The following WWOX variants were observed in gnomAD, a reference collection of about 807,000 sequenced individuals.
WWOX encodes the protein WW domain containing oxidoreductase.
Under a neutral mutation model 46.2 loss-of-function variants are expected in WWOX, and 69 were observed. The observed-to-expected ratio is 1.49, with a 90% CI of 1.23 to 1.82. The LOEUF is 1.82. Ranked by LOEUF, WWOX falls within the 40% of genes most tolerant of loss-of-function variation. The pLI, the probability that WWOX is intolerant of heterozygous loss-of-function variation, is 0.00. For missense variants in WWOX, 919 were observed against 542.6 expected (o/e 1.69, Z -6.89); for synonymous variants, 359 against 202.6 (o/e 1.77, Z -6.56).
At chr16:78,358,292 A>T (rs557370852) in intron 5 of WWOX, among the ~76,000 whole-genome samples, 3 of 152,318 alleles carry the variant, frequency 2.0e-5, no homozygotes, top group Admixed American at 6.5e-5. Flanking sequence ...AAACGTATCT[A>T]TTTGATTAAA....
At chr16:79,168,806 CCAGTTGAGACCAGAATT>C (rs1377043752) in intron 8 of WWOX, among the ~76,000 whole-genome samples, 1 of 152,160 alleles carries the variant, frequency 6.6e-6, no homozygotes, top group East Asian at 1.9e-4. Flanking sequence ...CAGCTGAGAT[CCAGTTGAGACCAGAATT>C]CACTCTCTCC....
chr16:78,513,436 A>G (rs572651101), intron 8 of WWOX, among the ~76,000 whole-genome samples: 3 of 152,278 alleles, frequency 2.0e-5, no homozygotes, highest in African/African-American at 4.8e-5. Flanking sequence ...ATCACTGGAA[A>G]ATGACATTCC....
intron 8 of WWOX, among the ~76,000 whole-genome samples, chr16:79,066,379 G>A (rs1463297927): frequency 6.6e-6 from 1 of 152,144 alleles, no homozygotes; most frequent in East Asian, 1.9e-4. Flanking sequence ...ACTCCATCAG[G>A]GCTGGGAAGG....
intron 8 of WWOX, among the ~76,000 whole-genome samples, chr16:78,823,462 T>C (rs1255908415): frequency 1.3e-5 from 2 of 152,224 alleles, no homozygotes; most frequent in Non-Finnish European, 2.9e-5. Context: ...ATCACCTGAA[T>C]GTTCACCATG....
chr16:78,959,054 T>G (rs72808743), intron 8 of WWOX, among the ~76,000 whole-genome samples: 9,927 of 152,260 alleles, frequency 0.065, 439 homozygotes, highest in Middle Eastern at 0.11. Context: ...ATGTAATGTT[T>G]TTAAAAATGC....
At chr16:78,375,390 A>T (rs963772787) in intron 5 of WWOX, among the ~76,000 whole-genome samples, 1 of 152,194 alleles carries the variant, frequency 6.6e-6, no homozygotes, top group Non-Finnish European at 1.5e-5. Context: ...GCCTACTTGC[A>T]TTTCTATTTA....
intron 8 of WWOX, among the ~76,000 whole-genome samples, chr16:78,690,867 C>T (rs151149558): frequency 3.3e-4 from 51 of 152,322 alleles, no homozygotes; most frequent in African/African-American, 1.2e-3. Flanking sequence ...GATGTTGTCT[C>T]TTAGCACCGT....
intron 8 of WWOX, among the ~76,000 whole-genome samples, chr16:79,125,899 C>G (rs189553595): frequency 1.3e-5 from 2 of 152,196 alleles, no homozygotes; most frequent in Non-Finnish European, 2.9e-5. Flanking sequence ...GGCGTGGTTT[C>G]TTTACTATCT....
At chr16:78,390,836 C>A (rs1300257625) in intron 6 of WWOX, among the ~76,000 whole-genome samples, 1 of 152,218 alleles carries the variant, frequency 6.6e-6, no homozygotes, top group Non-Finnish European at 1.5e-5. Context: ...CAGAACCAAT[C>A]TCTTTTCACG....
At chr16:79,186,268 A>T (rs577810917) in intron 8 of WWOX, among the ~76,000 whole-genome samples, 12 of 152,276 alleles carry the variant, frequency 7.9e-5, no homozygotes, top group African/African-American at 2.6e-4. Flanking sequence ...GAGGGCTTCA[A>T]ACAACAGGAA....
chr16:78,306,480 C>A (rs2080136764), intron 5 of WWOX, among the ~76,000 whole-genome samples: 1 of 152,150 alleles, frequency 6.6e-6, no homozygotes, highest in Non-Finnish European at 1.5e-5. Flanking sequence ...GCACCTTTCC[C>A]AAAGGCAGGC....
intron 8 of WWOX, among the ~76,000 whole-genome samples, chr16:78,510,910 G>A (rs1475017016): frequency 6.6e-6 from 1 of 152,216 alleles, no homozygotes; most frequent in Non-Finnish European, 1.5e-5. Flanking sequence ...GAGTCGCAAA[G>A]CCACAAAGAT....
At chr16:78,108,193 T>C (rs2032272887) in intron 1 of WWOX, among the ~76,000 whole-genome samples, 1 of 151,180 alleles carries the variant, frequency 6.6e-6, no homozygotes, top group Admixed American at 6.6e-5. Context: ...CCCAAAGTGC[T>C]GGGATTACAG....
intron 8 of WWOX, among the ~76,000 whole-genome samples, chr16:79,164,584 G>T (rs973338527): frequency 6.6e-6 from 1 of 152,246 alleles, no homozygotes; most frequent in Non-Finnish European, 1.5e-5. Flanking sequence ...CAGAGCTCAT[G>T]GTGGAGACCT....
chr16:78,785,834 A>G (rs915606352), intron 8 of WWOX, among the ~76,000 whole-genome samples: 16 of 152,116 alleles, frequency 1.1e-4, no homozygotes, highest in African/African-American at 3.4e-4. Flanking sequence ...TATTTCTTCA[A>G]TTTTTTTCTG....
intron 8 of WWOX, among the ~76,000 whole-genome samples, chr16:78,553,622 G>C (rs1419831781): frequency 1.3e-5 from 2 of 152,150 alleles, no homozygotes; most frequent in Non-Finnish European, 2.9e-5. Flanking sequence ...TAAGTGAGCA[G>C]TATGGCGCCC....
intron 8 of WWOX, among the ~76,000 whole-genome samples, chr16:78,620,150 T>A (rs1395154163): frequency 6.6e-6 from 1 of 152,132 alleles, no homozygotes; most frequent in African/African-American, 2.4e-5. Context: ...TAATGGTGAG[T>A]AGGATGAATA....
At chr16:79,180,054 G>C (rs2050879476) in intron 8 of WWOX, among the ~76,000 whole-genome samples, 1 of 151,996 alleles carries the variant, frequency 6.6e-6, no homozygotes, top group Admixed American at 6.5e-5. Context: ...CCACTGAGTT[G>C]CTTTTTGAGA....
chr16:78,101,356 T>TTTTTTTTTTTTTTG, intron 1 of WWOX, among the ~76,000 whole-genome samples: 1 of 133,492 alleles, frequency 7.5e-6, no homozygotes, highest in Non-Finnish European at 1.6e-5. Context: ...CTTTTTTTTT[T>TTTTTTTTTTTTTTG]TTTTTTTAAA....
Sources: allele counts gnomAD v4.1 joint callset (sites outside exome capture counted in the v4.1 genomes callset), GRCh38; gene constraint gnomAD v4.1.1; transcripts MANE v1.5; gene names NCBI Gene and HGNC (gene_info 2026-07-23, HGNC 2026-07-21).